The following NHSL2 variants were observed in gnomAD, a reference collection of about 807,000 sequenced individuals.
The protein encoded by NHSL2 is NHS like 2, also known as NHS-like protein 2.
A neutral mutation model predicts 53.4 loss-of-function variants in NHSL2; 27 were observed. That is an observed-to-expected ratio of 0.51 (90% confidence interval 0.37 to 0.70). The LOEUF is 0.70. Among genes scored for constraint, NHSL2 ranks in the 30% least tolerant of loss-of-function variants. The pLI is 0.00. For missense variants in NHSL2, 892 were observed against 980.1 expected, an observed-to-expected ratio of 0.91 and a Z score of 1.20; for synonymous variants, 408 against 404.1, an observed-to-expected ratio of 1.01 and a Z score of -0.12.
At chrX:71,994,314 G>GTGT (rs1277458928) in intron 1 of NHSL2, among the ~76,000 whole-genome samples, 1 of 106,740 alleles carries the variant, frequency 9.4e-6, no homozygotes, top group East Asian at 3.0e-4. Flanking sequence ...GTGTGTGTGT[G>GTGT]TGTGTGTGTG....
chrX:72,074,763 T>C (rs1426883344), intron 1 of NHSL2, among the ~76,000 whole-genome samples: 1 of 112,679 alleles, frequency 8.9e-6, no homozygotes, highest in East Asian at 2.8e-4. Flanking sequence ...AAGTGTAACA[T>C]GCAAAAGGCA....
chrX:71,955,027 C>T (rs1262022228), intron 1 of NHSL2, among the ~76,000 whole-genome samples: 4 of 112,256 alleles, frequency 3.6e-5, no homozygotes, highest in Admixed American at 9.4e-5. Context: ...CCACCACTTC[C>T]TTATACAATC....
chrX:71,938,265 G>T (rs2147828122), intron 1 of NHSL2, among the ~76,000 whole-genome samples: 1 of 112,181 alleles, frequency 8.9e-6, no homozygotes, highest in South Asian at 3.8e-4. Context: ...TGTCCCTTTA[G>T]GTGATACCGT....
chrX:71,987,049 A>G (rs2042005900), intron 1 of NHSL2, among the ~76,000 whole-genome samples: 1 of 111,345 alleles, frequency 9.0e-6, no homozygotes, highest in Non-Finnish European at 1.9e-5. Context: ...CTTTGCATGT[A>G]AAACTGTTTC....
At chrX:72,040,621 G>A (rs769276650) in intron 1 of NHSL2, among the ~76,000 whole-genome samples, 1 of 111,853 alleles carries the variant, frequency 8.9e-6, no homozygotes, top group Non-Finnish European at 1.9e-5. Context: ...GATGAGCTTC[G>A]TTATTTTATT....
chrX:72,045,811 C>T (rs1387997457), intron 1 of NHSL2, among the ~76,000 whole-genome samples: 1 of 112,208 alleles, frequency 8.9e-6, no homozygotes, highest in African/African-American at 3.2e-5. Context: ...AGACCGCATA[C>T]CTATGGCCCG....
intron 1 of NHSL2, among the ~76,000 whole-genome samples, chrX:72,114,099 A>G (rs1162007216): frequency 8.9e-6 from 1 of 112,421 alleles, no homozygotes; most frequent in African/African-American, 3.2e-5. Flanking sequence ...TGTTTGGCAT[A>G]GGAAAATTTC....
At chrX:72,043,758 T>C (rs1431228634) in intron 1 of NHSL2, among the ~76,000 whole-genome samples, 1 of 111,834 alleles carries the variant, frequency 8.9e-6, no homozygotes, top group Non-Finnish European at 1.9e-5. Flanking sequence ...TTTACCTGGG[T>C]TCTACTTTCC....
At chrX:71,996,195 C>CA (rs1209472647) in intron 1 of NHSL2, among the ~76,000 whole-genome samples, 1 of 113,472 alleles carries the variant, frequency 8.8e-6, no homozygotes, top group Admixed American at 9.2e-5. Context: ...ACTGGGCTGC[C>CA]ATTCATGCCC....
rs780465784 is a variant in NHSL2 at position 71,974,634 on chromosome X, A to G, written c.280+63267A>G. Among the ~76,000 whole-genome samples, 3 of 112,092 alleles carry G rather than the reference A, an allele frequency of 2.7e-5. No individual in the cohort carries two copies. In the South Asian group the frequency reaches 1.1e-3, roughly 42 times the overall value. ...GTAAATATTGGCAAGAGCACGCAAA[A>G]TAGCCCCTCATCTGGTCTCTAGAAA... is the stretch of plus-strand genomic sequence containing the variant. On this transcript the variant is annotated intron_variant, in intron 1 of 7. Coordinates refer to ENST00000633930, the MANE Select transcript of NHSL2 (RefSeq NM_001013627.3).
intron 1 of NHSL2, among the ~76,000 whole-genome samples, chrX:72,122,107 A>T (rs1569481957): frequency 1.8e-5 from 2 of 112,172 alleles, no homozygotes; most frequent in South Asian, 7.3e-4. Context: ...TGCCTTTGTG[A>T]TTCTATGTAT....
intron 1 of NHSL2, among the ~76,000 whole-genome samples, chrX:72,090,325 A>G (rs1406111467): frequency 4.5e-5 from 5 of 111,459 alleles, no homozygotes; most frequent in Non-Finnish European, 9.4e-5. Context: ...TCAGCCTCCC[A>G]AAGTGCTGGA....
rs747414108 is a variant in NHSL2 at position 72,124,914 on chromosome X, T to C, written c.281-7165T>C. Among the ~76,000 whole-genome samples the C allele has an allele frequency of 1.3e-4, 15 of 111,894 alleles. 1 individual carries two copies. Among genetic ancestry groups the C allele is most frequent in the Admixed American group, 1.3e-3 (14 of 10,663 alleles). On this transcript the variant is annotated intron_variant, in intron 1 of 7. Coordinates refer to ENST00000633930, the MANE Select transcript of NHSL2 (RefSeq NM_001013627.3). ...CTTCCTTCCTTTTATTCTGATGTTTTCTTACTCCTGGCAAGCCAAAGGGCT... is the reference window on the plus strand; with the variant it reads ...CTTCCTTCCTTTTATTCTGATGTTTCCTTACTCCTGGCAAGCCAAAGGGCT...
At chrX:72,085,634 C>T in intron 1 of NHSL2, among the ~76,000 whole-genome samples, 1 of 110,590 alleles carries the variant, frequency 9.0e-6, no homozygotes, top group Admixed American at 9.6e-5. Flanking sequence ...TGGTTTGAAA[C>T]ACTAAAAATG....
intron 1 of NHSL2, among the ~76,000 whole-genome samples, chrX:71,975,626 C>G (rs1204199603): frequency 9.0e-6 from 1 of 111,498 alleles, no homozygotes; most frequent in Non-Finnish European, 1.9e-5. Context: ...CCTGTTGGCT[C>G]TGAGCTTGCT....
At position 71,999,915 on chromosome X, in the gene NHSL2, C is replaced by T. The variant is rs765276934; in HGVS notation, c.280+88548C>T. Among the ~76,000 whole-genome samples, 14 of 111,753 alleles carry T rather than the reference C, an allele frequency of 1.3e-4. No individual in the cohort carries two copies. The South Asian group carries it at 4.4e-3, about 35-fold the overall frequency. On this transcript the variant is annotated intron_variant, in intron 1 of 7. Coordinates refer to ENST00000633930, the MANE Select transcript of NHSL2 (RefSeq NM_001013627.3). ...ACTGCACTTGCTCTTCTGTTATGGC[C>T]GAAGTTTGGCTATTGATATGTGTTC...
chrX:71,922,486 A>T (rs1360917242), intron 1 of NHSL2, among the ~76,000 whole-genome samples: 1 of 112,103 alleles, frequency 8.9e-6, no homozygotes, highest in Non-Finnish European at 1.9e-5. Context: ...CCCAAGCAAT[A>T]CTGTACATCG....
chrX:72,033,506 C>T (rs1224732116), intron 1 of NHSL2, among the ~76,000 whole-genome samples: 3 of 112,178 alleles, frequency 2.7e-5, no homozygotes, highest in East Asian at 2.8e-4. Context: ...ATCTTTACTA[C>T]GTTGAGTCTT....
chrX:71,937,803 G>C (rs960606058), intron 1 of NHSL2, among the ~76,000 whole-genome samples: 11 of 111,934 alleles, frequency 9.8e-5, no homozygotes, highest in African/African-American at 2.9e-4. Flanking sequence ...GACAACAAAG[G>C]TTTATTCTTT....
Sources: gnomAD v4.1 joint callset for allele counts (sites outside exome capture counted in the v4.1 genomes callset) on GRCh38, gnomAD v4.1.1 for gene constraint, MANE v1.5 for transcripts, NCBI Gene and HGNC (gene_info 2026-07-23, HGNC 2026-07-21) for gene names.